TDRD5: variants seen among roughly 807,000 people sequenced by gnomAD.
The protein encoded by TDRD5 is tudor domain containing 5, also known as tudor domain-containing protein 5.
In TDRD5, 41 loss-of-function variants were observed where a neutral mutation model predicts 120.6. The ratio of observed to expected loss-of-function variants is 0.34; its 90% CI spans 0.26 to 0.44. TDRD5 has a LOEUF of 0.44. Ranked by LOEUF, TDRD5 falls within the 20% of genes least tolerant of loss-of-function variation. The pLI is 1.00. For missense variants in TDRD5, 1,006 were observed against 1,221.2 expected (o/e 0.82, Z 2.63); for synonymous variants, 430 against 433.7 (o/e 0.99, Z 0.11).
intron 17 of TDRD5, among the ~76,000 whole-genome samples, chr1:179,675,409 A>T (rs1417071638): frequency 6.8e-6 from 1 of 146,506 alleles, no homozygotes; most frequent in Non-Finnish European, 1.5e-5. Flanking sequence ...CCTCCCGAGT[A>T]GCTGGGATTA....
At chr1:179,651,295 T>C (rs1284482501) in intron 12 of TDRD5, among the ~76,000 whole-genome samples, 2 of 152,154 alleles carry the variant, frequency 1.3e-5, no homozygotes, top group African/African-American at 4.8e-5. Flanking sequence ...TTTTAAATAA[T>C]TAATTTAAAA....
chr1:179,621,892 G>A (rs1323532338), intron 6 of TDRD5, among the ~76,000 whole-genome samples: 1 of 152,178 alleles, frequency 6.6e-6, no homozygotes, highest in Admixed American at 6.5e-5. Context: ...TCCAGTAATA[G>A]ATGGAGCCAA....
At chr1:179,634,735 G>A in intron 8 of TDRD5, 106 bp downstream of exon 8, 1 of 1,266,234 alleles carries the variant, frequency 7.9e-7, no homozygotes. Context: ...CTTATTTCTG[G>A]ATATATCATT....
At chr1:179,683,847 G>A (rs565624940) in intron 17 of TDRD5, among the ~76,000 whole-genome samples, 3 of 152,178 alleles carry the variant, frequency 2.0e-5, no homozygotes, top group African/African-American at 4.8e-5. Context: ...AGGAAGCAAT[G>A]TGTTGGTTTA....
chr1:179,685,616 T>C (rs928047081), intron 17 of TDRD5, among the ~76,000 whole-genome samples: 4 of 152,212 alleles, frequency 2.6e-5, no homozygotes, highest in Non-Finnish European at 4.4e-5. Context: ...GCATTGACTC[T>C]ATAAATTACC....
chr1:179,667,602 T>C (rs1277605558), intron 16 of TDRD5, among the ~76,000 whole-genome samples: 6 of 152,182 alleles, frequency 3.9e-5, no homozygotes, highest in Non-Finnish European at 8.8e-5. Context: ...TATTGCAGCT[T>C]ATTGAAAGAA....
At chr1:179,637,866 G>A (rs1167132677) in intron 9 of TDRD5, among the ~76,000 whole-genome samples, 5 of 152,212 alleles carry the variant, frequency 3.3e-5, no homozygotes, top group Non-Finnish European at 7.3e-5. Context: ...TATTATAAAA[G>A]GGAGTCGTTC....
intron 5 of TDRD5, among the ~76,000 whole-genome samples, chr1:179,619,442 G>A (rs1422436615): frequency 1.3e-5 from 2 of 152,200 alleles, no homozygotes; most frequent in East Asian, 3.9e-4. Flanking sequence ...TGTGGGAGCT[G>A]TTAATCCTGC....
chr1:179,619,092 T>C (rs1214996217), intron 5 of TDRD5, among the ~76,000 whole-genome samples: 2 of 152,172 alleles, frequency 1.3e-5, no homozygotes, highest in East Asian at 3.8e-4. Flanking sequence ...TCTTTGACTG[T>C]GGAAAAAGTT....
rs1019606665 is a variant in TDRD5, at chr1:179,691,092, T to TAACA, written c.*150_*153dup. 2.3e-5 allele frequency: 24 copies of TAACA among 1,040,806 alleles called. No homozygotes were observed. The highest frequency in any genetic ancestry group is 1.8e-4 in the Admixed American group (6 of 33,146). 64.5% of individuals were successfully genotyped at this position (1,040,806 alleles called of 1,614,324 possible). On this transcript the variant is annotated 3_prime_UTR_variant, in exon 18 of 18. Coordinates refer to ENST00000444136, the MANE Select transcript of TDRD5 (RefSeq NM_001199085.3). ...TGACTATATGTTAGCTTTATTATGC[T>TAACA]AACAGTCTACTTTGATGTGTAAGTA... is the stretch of plus-strand genomic sequence containing the variant.
In TDRD5 at chr1:179,647,345, T is replaced by C. The variant is rs1251413389; in HGVS notation, c.1801-3522T>C. ...TGACGAACCTGAGAAAAACAAGCAA[T>C]GGGGAAAGGATTCCCTATTTAATAA... On this transcript the variant is annotated intron_variant, in intron 11 of 17. Transcript: ENST00000444136. 9.4e-5 allele frequency among the ~76,000 whole-genome samples: 14 copies of C among 148,982 alleles called. No homozygotes were observed. The South Asian group carries it at 2.0e-3, about 21-fold the overall frequency.
intron 6 of TDRD5, among the ~76,000 whole-genome samples, chr1:179,624,003 C>A (rs1676983816): frequency 6.6e-6 from 1 of 152,026 alleles, no homozygotes; most frequent in African/African-American, 2.4e-5. Flanking sequence ...TTACAAAAAA[C>A]CAATTAGAAC....
chr1:179,631,551 G>A (rs1677449460), intron 7 of TDRD5, among the ~76,000 whole-genome samples: 1 of 152,190 alleles, frequency 6.6e-6, no homozygotes, highest in African/African-American at 2.4e-5. Context: ...ATAAATGGGT[G>A]TGCGTTGGGA....
intron 14 of TDRD5, among the ~76,000 whole-genome samples, chr1:179,657,878 T>A (rs1243706640): frequency 6.6e-6 from 1 of 152,194 alleles, no homozygotes; most frequent in Non-Finnish European, 1.5e-5. Flanking sequence ...AAATCTACTC[T>A]CCTGGCAATT....
At chr1:179,603,523 G>C (rs1315338470) in intron 4 of TDRD5, among the ~76,000 whole-genome samples, 1 of 152,090 alleles carries the variant, frequency 6.6e-6, no homozygotes, top group Non-Finnish European at 1.5e-5. Context: ...TGTCATAGAT[G>C]GCTTTTATTA....
At chr1:179,678,547 C>T (rs749810521) in intron 17 of TDRD5, among the ~76,000 whole-genome samples, 3 of 152,182 alleles carry the variant, frequency 2.0e-5, no homozygotes, top group Non-Finnish European at 4.4e-5. Context: ...CTCCTATCCG[C>T]CATCTTAATC....
chr1:179,624,133 G>T (rs1676991521), intron 6 of TDRD5, among the ~76,000 whole-genome samples: 1 of 152,090 alleles, frequency 6.6e-6, no homozygotes, highest in African/African-American at 2.4e-5. Flanking sequence ...ATTTCAAAAG[G>T]AATTAAGGCA....
chr1:179,650,918 A>G lies in TDRD5; in HGVS notation c.1852A>G (p.Lys618Glu). The G allele has an allele frequency of 6.2e-7, 1 of 1,614,148 alleles. No homozygotes were observed. Among genetic ancestry groups the G allele is most frequent in the Non-Finnish European group, 8.5e-7 (1 of 1,180,014 alleles). Residue 618 changes from lysine to glutamate, a missense_variant, in exon 12 of 18, where the codon AAG becomes GAG. This residue lies in a region of TDRD5 where 158 missense variants were observed against 257.5 expected (regional missense o/e 0.61). Transcript: ENST00000444136. ...ILQFQKLCGL[K>E]PLVGVVDEYV... is the part of the protein sequence containing the mutation. ...GCAGTTCCAGAAGTTGTGCGGTTTG[A>G]AGCCATTAGTGGGGGTAGTGGATGA...
intron 16 of TDRD5, among the ~76,000 whole-genome samples, chr1:179,664,264 G>A (rs988871571): frequency 2.0e-5 from 3 of 151,990 alleles, no homozygotes; most frequent in African/African-American, 7.2e-5. Flanking sequence ...GATAAAGTAG[G>A]CTTTTATATT....
Sources: allele counts gnomAD v4.1 joint callset (sites outside exome capture counted in the v4.1 genomes callset), GRCh38; gene constraint gnomAD v4.1.1; regional missense constraint gnomAD v4.1.1; transcripts MANE v1.5; gene names NCBI Gene and HGNC (gene_info 2026-07-23, HGNC 2026-07-21).